The following TMEM170B variants were observed in gnomAD, a reference collection of about 807,000 sequenced individuals.
The protein encoded by TMEM170B is transmembrane protein 170B.
TMEM170B carries 6 observed loss-of-function variants against 13.0 expected under a neutral mutation model. That is an observed-to-expected ratio of 0.46 (90% CI 0.25 to 0.91). The LOEUF is 0.91. Ranked by LOEUF, TMEM170B falls within the 40% of genes least tolerant of loss-of-function variation. The pLI, the probability that TMEM170B is intolerant of heterozygous loss-of-function variation, is 0.17. For synonymous variants in TMEM170B, 61 were observed against 64.9 expected (o/e 0.94, Z 0.29); for missense variants, 138 against 165.2 (o/e 0.84, Z 0.90).
At position 11,575,775 on chromosome 6, in the gene TMEM170B, A is replaced by G; in HGVS notation, c.*214A>G. 1 of 466,450 alleles carries G rather than the reference A, an allele frequency of 2.1e-6. No homozygotes were observed. Among genetic ancestry groups the G allele is most frequent in the South Asian group, 3.2e-5 (1 of 31,204 alleles). 28.9% of individuals were successfully genotyped at this position (466,450 alleles called of 1,614,324 possible). A position where few individuals can be genotyped will look rare whatever the true frequency, so the allele number is the denominator to read the frequency against. ...ACCTTATGTGCCTCTGTCTCAGGCA[A>G]GGTGCATTAAGACACTATGTAAAGT... On this transcript the variant is annotated 3_prime_UTR_variant, in exon 3 of 3. Coordinates refer to ENST00000379426, the MANE Select transcript of TMEM170B (RefSeq NM_001100829.3). This position sits in a 1 kb window ranked among gnomAD's most constrained non-coding sequence, Gnocchi z 4.1.
At chr6:11,542,044 A>G (rs542488292) in intron 1 of TMEM170B, among the ~76,000 whole-genome samples, 19 of 152,248 alleles carry the variant, frequency 1.2e-4, no homozygotes, top group Middle Eastern at 6.8e-3. Context: ...AAAATTTGAA[A>G]TATTGTTAGA....
chr6:11,550,657 G>T (rs967067715), intron 1 of TMEM170B, among the ~76,000 whole-genome samples: 1 of 152,132 alleles, frequency 6.6e-6, no homozygotes, highest in African/African-American at 2.4e-5. Context: ...TTCTAAGAAT[G>T]TTACATGTAT....
At chr6:11,554,462 C>T (rs2113769689) in intron 1 of TMEM170B, among the ~76,000 whole-genome samples, 1 of 151,688 alleles carries the variant, frequency 6.6e-6, no homozygotes, top group East Asian at 1.9e-4. Context: ...CTCAGTTAAT[C>T]AGTTATGGGG....
At chr6:11,570,731 G>A (rs1393437029) in intron 2 of TMEM170B, among the ~76,000 whole-genome samples, 1 of 152,134 alleles carries the variant, frequency 6.6e-6, no homozygotes, top group Admixed American at 6.6e-5. Context: ...TAAAAGCTGT[G>A]CACAGCTTGT....
Position 11,553,037 on chromosome 6 carries a change from CT to C in TMEM170B, c.98-12626del, listed in dbSNP as rs541758286. ...CCCTGAACCCTTGACCTGTAGGTAACTTTGCTTCCTTAATCTTAGTTTCGGT... is the reference window on the plus strand; with the variant it reads ...CCCTGAACCCTTGACCTGTAGGTAACTTGCTTCCTTAATCTTAGTTTCGGT... On this transcript the variant is annotated intron_variant, in intron 1 of 2. Transcript: ENST00000379426. Among the ~76,000 whole-genome samples the C allele has an allele frequency of 2.4e-4, 36 of 152,176 alleles. No individual in the cohort carries two copies. The South Asian group carries it at 6.6e-3, about 28-fold the overall frequency.
chr6:11,572,612 C>T (rs1043885767), intron 2 of TMEM170B, among the ~76,000 whole-genome samples: 3 of 151,996 alleles, frequency 2.0e-5, no homozygotes, highest in South Asian at 2.1e-4. Context: ...AATTTTATTA[C>T]GTGAGTAATA....
chr6:11,548,290 G>C (rs6908807), intron 1 of TMEM170B, among the ~76,000 whole-genome samples: 74,577 of 152,028 alleles, frequency 0.49, 19,221 homozygotes, highest in Admixed American at 0.62. Flanking sequence ...CTTCTCAGAA[G>C]AAGACATTTA....
In TMEM170B at chr6:11,575,711, T is replaced by C. The variant is rs1759866051; in HGVS notation, c.*150T>C. Reference sequence around the variant, plus strand: ...GAAGACCTTGAGCTGTGTGGAAGGATTGCCCTCTGGTGTTCAAGTGATTGC... The same window carrying C: ...GAAGACCTTGAGCTGTGTGGAAGGACTGCCCTCTGGTGTTCAAGTGATTGC... On this transcript the variant is annotated 3_prime_UTR_variant, in exon 3 of 3. Coordinates refer to ENST00000379426, the MANE Select transcript of TMEM170B (RefSeq NM_001100829.3). This position sits in a 1 kb window ranked among gnomAD's most constrained non-coding sequence, Gnocchi z 4.1. 8 of 925,274 alleles carry C rather than the reference T, an allele frequency of 8.6e-6. No individual in the cohort carries two copies. In the Admixed American group the frequency reaches 1.5e-4, roughly 17 times the overall value. 57.3% of individuals were successfully genotyped at this position (925,274 alleles called of 1,614,324 possible). A position where few individuals can be genotyped will look rare whatever the true frequency, so the allele number is the denominator to read the frequency against.
At chr6:11,546,285 TAAG>T (rs1453846157) in intron 1 of TMEM170B, among the ~76,000 whole-genome samples, 3 of 152,080 alleles carry the variant, frequency 2.0e-5, no homozygotes, top group African/African-American at 7.2e-5. Context: ...TTTATAAAAT[TAAG>T]AATATAAAGT....
chr6:11,581,750 A>T lies in TMEM170B; in HGVS notation c.*6189A>T, dbSNP rs1759960715. 1 of 152,204 alleles carries T rather than the reference A, an allele frequency of 6.6e-6. No individual in the cohort carries two copies. The highest frequency in any genetic ancestry group is 2.4e-5 in the African/African-American group (1 of 41,456). The allele number at this position is 152,204 out of a possible 1,614,324, so 9.4% of individuals were successfully genotyped here. A position where few individuals can be genotyped will look rare whatever the true frequency, so the allele number is the denominator to read the frequency against. ...AAAGGAACGTTAACTCGAGAGTACTACTGATGATGACGCTTCTCTTGTTTT... is the reference window on the plus strand; with the variant it reads ...AAAGGAACGTTAACTCGAGAGTACTTCTGATGATGACGCTTCTCTTGTTTT... On this transcript the variant is annotated 3_prime_UTR_variant, in exon 3 of 3. Coordinates refer to ENST00000379426, the MANE Select transcript of TMEM170B (RefSeq NM_001100829.3).
chr6:11,553,948 T>G (rs524159), intron 1 of TMEM170B, among the ~76,000 whole-genome samples: 3 of 152,154 alleles, frequency 2.0e-5, no homozygotes, highest in East Asian at 3.9e-4. Flanking sequence ...CTCTCTCTTT[T>G]AATCCCAGTA....
chr6:11,551,661 ATGTC>A (rs982636671), intron 1 of TMEM170B, among the ~76,000 whole-genome samples: 2 of 152,218 alleles, frequency 1.3e-5, no homozygotes, highest in African/African-American at 4.8e-5. Flanking sequence ...AAAAGTGAAA[ATGTC>A]AGTCATTATC....
chr6:11,573,647 A>G (rs1759836066), intron 2 of TMEM170B, among the ~76,000 whole-genome samples: 1 of 152,154 alleles, frequency 6.6e-6, no homozygotes, highest in Non-Finnish European at 1.5e-5. Flanking sequence ...TTGAATTGAC[A>G]CAGTTGTTTG....
At chr6:11,556,473 C>G (rs902854634) in intron 1 of TMEM170B, among the ~76,000 whole-genome samples, 4 of 152,154 alleles carry the variant, frequency 2.6e-5, no homozygotes, top group Non-Finnish European at 4.4e-5. Flanking sequence ...ACTAGCCTCC[C>G]CCCAGTGGTG....
intron 1 of TMEM170B, among the ~76,000 whole-genome samples, chr6:11,554,935 TAAG>T (rs997124199): frequency 3.3e-5 from 5 of 152,260 alleles, no homozygotes; most frequent in Non-Finnish European, 7.4e-5. Context: ...TGATTAAAAA[TAAG>T]AAGAAAATGT....
At chr6:11,548,236 A>G (rs2113765114) in intron 1 of TMEM170B, among the ~76,000 whole-genome samples, 1 of 152,336 alleles carries the variant, frequency 6.6e-6, no homozygotes, top group South Asian at 2.1e-4. Context: ...CAAATTTACA[A>G]GAAAAAAACC....
chr6:11,540,181 G>A (rs1289625638), intron 1 of TMEM170B, among the ~76,000 whole-genome samples: 2 of 152,178 alleles, frequency 1.3e-5, no homozygotes, highest in South Asian at 2.1e-4. Flanking sequence ...GATGATGGCA[G>A]TTTTCTTAAA....
Position 11,575,507 on chromosome 6 carries a change from A to G in TMEM170B, c.345A>G (p.Gly115=). ...TGGAAGCGCTGGTATGGGGCGTTGGACAGACTGTACTGACATTAATCATCT... is the reference window on the plus strand; with the variant it reads ...TGGAAGCGCTGGTATGGGGCGTTGGGCAGACTGTACTGACATTAATCATCT... ...APLEALVWGV[G]QTVLTLIISF... The change falls in exon 3 of 3, where the codon GGA becomes GGG. Residue 115 remains glycine, a synonymous_variant. Coordinates refer to ENST00000379426, the MANE Select transcript of TMEM170B (RefSeq NM_001100829.3). The surrounding 1 kb of genome is among the most constrained non-coding windows in gnomAD (Gnocchi z 4.1). The G allele has an allele frequency of 6.2e-7, 1 of 1,613,490 alleles. No homozygotes were observed. The highest frequency in any genetic ancestry group is 8.5e-7 in the Non-Finnish European group (1 of 1,179,572).
intron 2 of TMEM170B, among the ~76,000 whole-genome samples, chr6:11,570,517 A>G (rs1233181494): frequency 6.6e-6 from 1 of 152,184 alleles, no homozygotes; most frequent in Non-Finnish European, 1.5e-5. Flanking sequence ...ATGAACAGCT[A>G]TACCTAAATA....
Sources: gnomAD v4.1 joint callset for allele counts (sites outside exome capture counted in the v4.1 genomes callset) on GRCh38, gnomAD v4.1.1 for gene constraint, Gnocchi (gnomAD v3.1) non-coding constraint, MANE v1.5 for transcripts, NCBI Gene and HGNC (gene_info 2026-07-23, HGNC 2026-07-21) for gene names.